ERCC2: variants seen among roughly 807,000 people sequenced by gnomAD.
ERCC2 encodes general transcription and DNA repair factor IIH helicase subunit XPD.
Under a neutral mutation model 99.4 loss-of-function variants are expected in ERCC2, and 90 were observed. The ratio of observed to expected loss-of-function variants is 0.91; its 90% confidence interval spans 0.76 to 1.08. ERCC2 has a LOEUF of 1.08. Ranked by LOEUF, ERCC2 falls within the 50% of genes least tolerant of loss-of-function variation. The pLI, the probability that ERCC2 is intolerant of heterozygous loss-of-function variation, is 0.00. For missense variants in ERCC2, 993 were observed against 1,038.1 expected (o/e 0.96, Z 0.60); for synonymous variants, 497 against 432.4 (o/e 1.15, Z -1.85).
chr19:45,350,383 G>C lies in ERCC2; in HGVS notation c.*1246C>G. On this transcript the variant is annotated 3_prime_UTR_variant, in exon 23 of 23. Coordinates refer to ENST00000391945, the MANE Select transcript of ERCC2 (RefSeq NM_000400.4). Reference sequence around the variant, plus strand: ...ACAGAACAAGTATCAACAAGCGGAAGAGCTGTACAAAGAAATCCTCCACAA... The same window carrying C: ...ACAGAACAAGTATCAACAAGCGGAACAGCTGTACAAAGAAATCCTCCACAA... 1 of 1,613,758 alleles carries C rather than the reference G, an allele frequency of 6.2e-7. No homozygotes were observed. The highest frequency in any genetic ancestry group is 8.5e-7 in the Non-Finnish European group (1 of 1,179,972).
intron 22 of ERCC2, among the ~76,000 whole-genome samples, chr19:45,351,930 G>A (rs902336127): frequency 3.9e-5 from 6 of 152,166 alleles, no homozygotes; most frequent in Non-Finnish European, 7.3e-5. Context: ...GAGAAGGACC[G>A]GCTTTCTCCA....
chr19:45,350,847 C>A lies in ERCC2; in HGVS notation c.*782G>T. 7.0e-7 allele frequency: 1 copy of A among 1,420,026 alleles called. No homozygotes were observed. Among genetic ancestry groups the A allele is most frequent in the Non-Finnish European group, 9.8e-7 (1 of 1,016,012 alleles). The allele number at this position is 1,420,026 out of a possible 1,614,324, so 88.0% of individuals were successfully genotyped here. ...TTGCTCAAGAACCTTCCATGGCTCCCATCTCCCCTGTGATACACACAGATC... is the reference window on the plus strand; with the variant it reads ...TTGCTCAAGAACCTTCCATGGCTCCAATCTCCCCTGTGATACACACAGATC... On this transcript the variant is annotated 3_prime_UTR_variant, in exon 23 of 23. Transcript: ENST00000391945.
chr19:45,354,916 C>T lies in ERCC2; in HGVS notation c.1544-65G>A, dbSNP rs1971960573. 4 of 1,608,208 alleles carry T rather than the reference C, an allele frequency of 2.5e-6. No individual in the cohort carries two copies. In the South Asian group the frequency reaches 4.4e-5, roughly 18 times the overall value. On this transcript the variant is annotated intron_variant, in intron 16 of 22. Transcript: ENST00000391945. Reference sequence around the variant, plus strand: ...TCCTCCTCCCTTCTCTGTCTTAGAACTAGGAGTTTCTGGAAACCCCACTGA... The same window carrying T: ...TCCTCCTCCCTTCTCTGTCTTAGAATTAGGAGTTTCTGGAAACCCCACTGA...
chr19:45,360,992 A>G (rs1028678930), intron 12 of ERCC2, among the ~76,000 whole-genome samples: 2 of 152,024 alleles, frequency 1.3e-5, no homozygotes, highest in Admixed American at 6.5e-5. Context: ...TTAGCTGGGT[A>G]TAGTGGCATG....
At chr19:45,352,683 G>T (rs747472303) in intron 20 of ERCC2, 34 bp from the exon 21 acceptor site, 1 of 1,613,944 alleles carries the variant, frequency 6.2e-7, no homozygotes, top group Non-Finnish European at 8.5e-7. Context: ...CTGGGGAGGT[G>T]GGGGAGCCAC....
chr19:45,364,203 C>T (rs1204175551), intron 9 of ERCC2, 32 bp downstream of exon 9: 4 of 1,611,772 alleles, frequency 2.5e-6, no homozygotes, highest in Non-Finnish European at 3.4e-6. Context: ...AGGGGCAGGG[C>T]GGGCACCACC....
Position 45,350,259 on chromosome 19 carries a change from C to CAAA in ERCC2, c.*1367_*1369dup, listed in dbSNP as rs61513187. 1.6e-4 allele frequency: 140 copies of CAAA among 874,456 alleles called. No individual in the cohort carries two copies. The highest frequency in any genetic ancestry group is 1.2e-3 in the East Asian group (45 of 36,704). The allele number at this position is 874,456 out of a possible 1,614,324, so 54.2% of individuals were successfully genotyped here. A position where few individuals can be genotyped will look rare whatever the true frequency, so the allele number is the denominator to read the frequency against. On this transcript the variant is annotated 3_prime_UTR_variant, in exon 23 of 23. Coordinates refer to ENST00000391945, the MANE Select transcript of ERCC2 (RefSeq NM_000400.4). Reference sequence around the variant, plus strand: ...CAACATACCAAGACCCCTGTCTCTACAAAAAAAAAAAAAAAGGCGGGACTG... The same window carrying CAAA: ...CAACATACCAAGACCCCTGTCTCTACAAAAAAAAAAAAAAAAAAGGCGGGACTG...
chr19:45,351,074 G>GAGGCAA lies in ERCC2; in HGVS notation c.*549_*554dup. ...AGGCCATGTGGGTAGGTGCAGAGAT[G>GAGGCAA]AGGCAAAGGCAGGGCGGTCGGGCCA... On this transcript the variant is annotated 3_prime_UTR_variant, in exon 23 of 23. Coordinates refer to ENST00000391945, the MANE Select transcript of ERCC2 (RefSeq NM_000400.4). 6.2e-7 allele frequency: 1 copy of GAGGCAA among 1,613,678 alleles called. No homozygotes were observed. Among genetic ancestry groups the GAGGCAA allele is most frequent in the Non-Finnish European group, 8.5e-7 (1 of 1,179,806 alleles).
At chr19:45,352,114 G>T in intron 22 of ERCC2, 95 bp downstream of exon 22, 1 of 1,382,054 alleles carries the variant, frequency 7.2e-7, no homozygotes, top group Non-Finnish European at 1.0e-6. Context: ...AGGAGGACAG[G>T]CAGGCTGAGG....
intron 12 of ERCC2, chr19:45,357,905 C>T (rs1972069874): frequency 4.8e-6 from 3 of 619,108 alleles, no homozygotes; most frequent in East Asian, 2.8e-5. Context: ...TTCGGGCCCA[C>T]ACCTGTGCAA....
chr19:45,354,942 G>A, intron 16 of ERCC2, 91 bp from the exon 17 acceptor site: 4 of 1,556,718 alleles, frequency 2.6e-6, no homozygotes, highest in Non-Finnish European at 3.5e-6. Flanking sequence ...ACCCCACTGA[G>A]GCTGCCTGTC....
rs1312336997 is a variant in ERCC2, at chr19:45,364,103, CGTCT to C, written c.828_831del (p.Asp277SerfsTer56). ...CGGTACTCGTCCCGCAGGCGCTGCT[CGTCT>C]GTCTCTTTGATCCTGCGGAGAGATG... On this transcript the variant is annotated frameshift_variant, in exon 10 of 23. Transcript: ENST00000391945. LOFTEE classifies it high-confidence loss of function. 2.5e-6 allele frequency: 4 copies of C among 1,609,650 alleles called. No homozygotes were observed. The highest frequency in any genetic ancestry group is 3.4e-6 in the Non-Finnish European group (4 of 1,178,594).
chr19:45,350,301 C>T lies in ERCC2; in HGVS notation c.*1328G>A, dbSNP rs749978311. 5 of 1,489,000 alleles carry T rather than the reference C, an allele frequency of 3.4e-6. No individual in the cohort carries two copies. The Admixed American group carries it at 5.1e-5, about 15-fold the overall frequency. The allele number at this position is 1,489,000 out of a possible 1,614,324, so 92.2% of individuals were successfully genotyped here. A position where few individuals can be genotyped will look rare whatever the true frequency, so the allele number is the denominator to read the frequency against. On this transcript the variant is annotated 3_prime_UTR_variant, in exon 23 of 23. Transcript: ENST00000391945. ...GCGGGACTGGATGCAGTGTTGGGAA[C>T]TGGGGTCCGAAAAGTTCCCAGACAC...
chr19:45,362,830 G>A (rs938336291), intron 11 of ERCC2, among the ~76,000 whole-genome samples: 2 of 152,210 alleles, frequency 1.3e-5, no homozygotes, highest in Non-Finnish European at 2.9e-5. Context: ...GGCCTTTGGA[G>A]CCCACAGGCA....
intron 12 of ERCC2, among the ~76,000 whole-genome samples, chr19:45,359,618 G>C (rs963461825): frequency 8.6e-5 from 13 of 152,042 alleles, no homozygotes; most frequent in African/African-American, 3.1e-4. Context: ...CAAAACCCAG[G>C]CACCACGCTC....
chr19:45,352,259 C>T lies in ERCC2; in HGVS notation c.2140G>A (p.Val714Ile), dbSNP rs1392290287. The T allele has an allele frequency of 6.2e-7, 1 of 1,614,102 alleles. No individual in the cohort carries two copies. Among genetic ancestry groups the T allele is most frequent in the Non-Finnish European group, 8.5e-7 (1 of 1,180,004 alleles). Residue 714 changes from valine (V) to isoleucine (I), a missense_variant, in exon 22 of 23, where the codon GTC becomes ATC. Val to Ile is a conservative substitution (Grantham distance 29). This residue lies in a region of ERCC2 where 909 missense variants were observed against 930.8 expected (regional missense o/e 0.98). Coordinates refer to ENST00000391945, the MANE Select transcript of ERCC2 (RefSeq NM_000400.4). The stretch of plus-strand genomic sequence containing the variant: ...CGCAGGAAGTACTTGGCCACCTGGA[C>T]ACCCTCGTCCACGGTCAGGTTGAGG... The part of the protein sequence containing the change: ...ANLNLTVDEG[V>I]QVAKYFLRQM...
At position 45,354,935 on chromosome 19, in the gene ERCC2, C is replaced by G. The variant is rs534590133; in HGVS notation, c.1544-84G>C. On this transcript the variant is annotated intron_variant, in intron 16 of 22. Transcript: ENST00000391945. ...TTAGAACTAGGAGTTTCTGGAAACC[C>G]CACTGAGGCTGCCTGTCAGGCTTTT... The G allele has an allele frequency of 7.3e-5, 114 of 1,572,086 alleles. No homozygotes were observed. In the South Asian group the frequency reaches 1.2e-3, roughly 17 times the overall value.
At chr19:45,355,088 G>A (rs1012573757) in intron 16 of ERCC2, among the ~76,000 whole-genome samples, 1 of 152,246 alleles carries the variant, frequency 6.6e-6, no homozygotes, top group Non-Finnish European at 1.5e-5. Flanking sequence ...CGGGCGCTGT[G>A]GCTCACGCCT....
At position 45,349,927 on chromosome 19, in the gene ERCC2, GGTGGGAGCTGTCGCTCCACTTTGCGT is replaced by G; in HGVS notation, c.*1676_*1701del. ...GCTAGTTCTTATAGCGTCCCTATGAGGTGGGAGCTGTCGCTCCACTTTGCGTGTGGGAAGACTGAGGCACCGAGGCC... is the reference window on the plus strand; with the variant it reads ...GCTAGTTCTTATAGCGTCCCTATGAGGTGGGAAGACTGAGGCACCGAGGCC... On this transcript the variant is annotated 3_prime_UTR_variant, in exon 23 of 23. Coordinates refer to ENST00000391945, the MANE Select transcript of ERCC2 (RefSeq NM_000400.4). 2.3e-6 allele frequency: 1 copy of G among 426,530 alleles called. No homozygotes were observed. Among genetic ancestry groups the G allele is most frequent in the South Asian group, 3.7e-5 (1 of 26,872 alleles). The allele number at this position is 426,530 out of a possible 1,614,324, so 26.4% of individuals were successfully genotyped here.
Sources: gnomAD v4.1 joint callset for allele counts (sites outside exome capture counted in the v4.1 genomes callset) on GRCh38, gnomAD v4.1.1 for gene constraint, gnomAD v4.1.1 regional missense constraint, MANE v1.5 for transcripts, NCBI Gene and HGNC (gene_info 2026-07-23, HGNC 2026-07-21) for gene names.